NLRC5: variants seen among roughly 807,000 people sequenced by gnomAD.
NLRC5 encodes protein NLRC5.
NLRC5 carries 114 observed loss-of-function variants against 206.9 expected under a neutral mutation model. That is an observed-to-expected ratio of 0.55 (90% CI 0.47 to 0.64). The LOEUF is 0.64. NLRC5 is among the 30% of genes least tolerant of loss of function. The probability of loss-of-function intolerance (pLI) is 0.00; values close to 1 mark genes in which losing one functional copy is unlikely to be tolerated. For synonymous variants in NLRC5, 952 were observed against 962.8 expected, an observed-to-expected ratio of 0.99 and a Z score of 0.21; for missense variants, 2,008 against 2,305.5, an observed-to-expected ratio of 0.87 and a Z score of 2.64.
At chr16:57,050,365 T>G (rs2064712761) in intron 23 of NLRC5, among the ~76,000 whole-genome samples, 1 of 151,890 alleles carries the variant, frequency 6.6e-6, no homozygotes, top group Non-Finnish European at 1.5e-5. Context: ...CCCAGCTCAC[T>G]GAGCCAGTTG....
At chr16:56,991,666 T>C (rs2056880963) in intron 1 of NLRC5, among the ~76,000 whole-genome samples, 1 of 147,904 alleles carries the variant, frequency 6.8e-6, no homozygotes, top group African/African-American at 2.5e-5. Context: ...GTGAGCCATC[T>C]TGCCCGGACT....
At chr16:57,051,477 GC>G (rs1206981244) in intron 23 of NLRC5, 60 bp from the exon 24 acceptor site, 1 of 1,251,618 alleles carries the variant, frequency 8.0e-7, no homozygotes, top group East Asian at 2.3e-5. Context: ...TGGCTATGAG[GC>G]CGTGCTCCCT....
At chr16:57,077,645 C>G (rs1012740138) in intron 41 of NLRC5, 74 bp from the exon 42 acceptor site, 70 of 1,435,570 alleles carry the variant, frequency 4.9e-5, no homozygotes, top group Non-Finnish European at 6.5e-5. Context: ...GCAGGGGTGG[C>G]AGACCCAGCA....
Position 57,020,911 on chromosome 16 carries a change from G to T in NLRC5, c.199G>T (p.Asp67Tyr). Residue 67 changes from aspartate (D) to tyrosine (Y), a missense_variant, in exon 3 of 49, where the codon GAC becomes TAC. Asp to Tyr is a radical substitution (Grantham distance 160). Transcript: ENST00000688547. ...CAACAAGCTGCATGTCCAGGGTTCG[G>T]ACACCTGGCAGTCTTTCATTCATTG... The part of the protein sequence containing the change: ...QLNKLHVQGS[D>Y]TWQSFIHCVC... 1.2e-6 allele frequency: 2 copies of T among 1,614,012 alleles called. No individual in the cohort carries two copies. The highest frequency in any genetic ancestry group is 1.7e-6 in the Non-Finnish European group (2 of 1,179,998).
At chr16:57,034,055 A>G in intron 12 of NLRC5, 113 bp from the exon 13 acceptor site, 1 of 770,034 alleles carries the variant, frequency 1.3e-6, no homozygotes, top group Non-Finnish European at 2.2e-6. Flanking sequence ...AGGTGTGGCT[A>G]GGATTAGACC....
chr16:57,077,877 C>T, intron 42 of NLRC5, 66 bp from the exon 43 acceptor site: 2 of 1,601,970 alleles, frequency 1.2e-6, no homozygotes, highest in Non-Finnish European at 1.7e-6. Flanking sequence ...GCAGTGGGCA[C>T]AGGGCAGGGC....
chr16:57,047,583 G>A lies in NLRC5; in HGVS notation c.3377G>A (p.Arg1126His), dbSNP rs147305457. ...ECPLEPPSLT[R>H]LCATLKDCPG... is the part of the protein sequence containing the mutation. The stretch of plus-strand genomic sequence containing the variant: ...CCTCTGGAGCCCCCAAGCCTCACCC[G>A]CCTCTGTGCCACTCTGAAGGACTGC... The change falls in exon 23 of 49, where the codon CGC becomes CAC. Residue 1126 changes from arginine to histidine, a missense_variant. Arg to His is a conservative substitution (Grantham distance 29, BLOSUM62 0). Coordinates refer to ENST00000688547, the MANE Select transcript of NLRC5 (RefSeq NM_001384950.1). The A allele has an allele frequency of 1.1e-4, 185 of 1,613,578 alleles. No individual in the cohort carries two copies. The African/African-American group carries it at 1.3e-3, about 12-fold the overall frequency.
rs138324579 is a variant in NLRC5, at chr16:57,056,211, G to C, written c.3746+692G>C. ...CTAGGACCAGTGGGAAATAGAGAGA[G>C]CAGTCCGCCAAAAATGCCACACAAT... is the stretch of plus-strand genomic sequence containing the variant. On this transcript the variant is annotated intron_variant, in intron 27 of 48. Transcript: ENST00000688547. Among the ~76,000 whole-genome samples, 532 of 152,334 alleles carry C rather than the reference G, an allele frequency of 3.5e-3. 1 individual carries two copies. Among genetic ancestry groups the C allele is most frequent in the Non-Finnish European group, 6.4e-3 (436 of 68,028 alleles).
At chr16:57,029,197 T>C (rs185760493) in intron 8 of NLRC5, among the ~76,000 whole-genome samples, 429 of 152,360 alleles carry the variant, frequency 2.8e-3, no homozygotes, top group Non-Finnish European at 5.0e-3. Context: ...TCCCTGGCTA[T>C]TGAAAGTGAC....
At chr16:57,056,361 G>A (rs187727100) in intron 27 of NLRC5, among the ~76,000 whole-genome samples, 267 of 152,176 alleles carry the variant, frequency 1.8e-3, no homozygotes, top group African/African-American at 6.1e-3. Context: ...TGCAATGATA[G>A]GTCACTGCAG....
chr16:57,038,037 T>G (rs551167145), intron 15 of NLRC5, among the ~76,000 whole-genome samples: 2 of 152,238 alleles, frequency 1.3e-5, no homozygotes, highest in African/African-American at 4.8e-5. Flanking sequence ...GAACTTATAC[T>G]AAATAAATTA....
intron 40 of NLRC5, 28 bp downstream of exon 40, chr16:57,076,930 C>T: frequency 1.2e-6 from 2 of 1,607,208 alleles, no homozygotes; most frequent in Non-Finnish European, 1.7e-6. Flanking sequence ...CCCCCAGACC[C>T]AGGACAATTT....
intron 1 of NLRC5, among the ~76,000 whole-genome samples, chr16:57,001,083 C>G (rs528766409): frequency 6.6e-6 from 1 of 152,208 alleles, no homozygotes; most frequent in South Asian, 2.1e-4. Flanking sequence ...ATCAGCCATT[C>G]CCGGGGGGAA....
At chr16:57,063,251 T>G (rs2066734938) in intron 32 of NLRC5, among the ~76,000 whole-genome samples, 1 of 151,938 alleles carries the variant, frequency 6.6e-6, no homozygotes, top group South Asian at 2.1e-4. Flanking sequence ...TAGCTGGGAT[T>G]ACAGGCGCCC....
At chr16:57,008,246 T>A (rs72773124) in intron 1 of NLRC5, among the ~76,000 whole-genome samples, 8,223 of 152,272 alleles carry the variant, frequency 0.054, 284 homozygotes, top group East Asian at 0.14. Flanking sequence ...GAAATTTTTT[T>A]AAAATACTTT....
chr16:57,030,281 T>G (rs2061652711), intron 10 of NLRC5, among the ~76,000 whole-genome samples, 197 bp downstream of exon 10: 1 of 152,096 alleles, frequency 6.6e-6, no homozygotes, highest in Non-Finnish European at 1.5e-5. Flanking sequence ...AATGGATGGA[T>G]GAAAAGATGG....
chr16:57,066,768 G>A (rs776631832), intron 34 of NLRC5, among the ~76,000 whole-genome samples, 154 bp downstream of exon 34: 6 of 152,278 alleles, frequency 3.9e-5, no homozygotes, highest in Non-Finnish European at 7.4e-5. Flanking sequence ...CTTCTGAGGC[G>A]TTTCAGCCCC....
Position 57,060,022 on chromosome 16 carries a change from C to CTAT in NLRC5, c.3986+491_3986+492insATT, listed in dbSNP as rs1166674124. Among the ~76,000 whole-genome samples, 4 of 114,040 alleles carry CTAT rather than the reference C, an allele frequency of 3.5e-5. No homozygotes were observed. The East Asian group carries it at 7.5e-4, about 21-fold the overall frequency. The allele number at this position is 114,040 out of a possible 152,430, so 74.8% of individuals were successfully genotyped here. A position where few individuals can be genotyped will look rare whatever the true frequency, so the allele number is the denominator to read the frequency against. On this transcript the variant is annotated intron_variant, in intron 30 of 48. Coordinates refer to ENST00000688547, the MANE Select transcript of NLRC5 (RefSeq NM_001384950.1). ...GGAGTGCTGTCAGCAGTTATTGTAA[C>CTAT]TGTTATTATTATTATTATTATTATT...
rs1197785432 is a variant in NLRC5, at chr16:57,066,600, A to G, written c.4308A>G (p.Glu1436=). 6.2e-7 allele frequency: 1 copy of G among 1,613,952 alleles called. No individual in the cohort carries two copies. Among genetic ancestry groups the G allele is most frequent in the South Asian group, 1.1e-5 (1 of 91,074 alleles). ...TTCCTCGCCAGGAAGAGAATCCAGAAGCTGTGGCACTCAGGTGGGACCCAG... is the reference window on the plus strand; with the variant it reads ...TTCCTCGCCAGGAAGAGAATCCAGAGGCTGTGGCACTCAGGTGGGACCCAG... ...LEFPRQEENP[E]AVALRLAHCD... is the part of the protein sequence containing the mutation. The change falls in exon 34 of 49, where the codon GAA becomes GAG. Residue 1436 remains glutamate, a synonymous_variant. Coordinates refer to ENST00000688547, the MANE Select transcript of NLRC5 (RefSeq NM_001384950.1).
Sources: gnomAD v4.1 joint callset for allele counts (sites outside exome capture counted in the v4.1 genomes callset) on GRCh38, gnomAD v4.1.1 for gene constraint, MANE v1.5 for transcripts, NCBI Gene and HGNC (gene_info 2026-07-23, HGNC 2026-07-21) for gene names.